The following TUT4 variants were observed in gnomAD, a reference collection of about 807,000 sequenced individuals.
TUT4 encodes terminal uridylyltransferase 4.
A neutral mutation model predicts 192.2 loss-of-function variants in TUT4; 36 were observed. That is an observed-to-expected ratio of 0.19 (90% CI 0.14 to 0.25). The LOEUF (loss-of-function observed/expected upper bound fraction) is 0.25. TUT4 is among the 10% of genes least tolerant of loss of function. TUT4 has a pLI of 1.00. For missense variants in TUT4, 1,493 were observed against 1,957.2 expected (o/e 0.76, Z 4.47); for synonymous variants, 618 against 666.0 (o/e 0.93, Z 1.11).
At chr1:52,459,462 G>A (rs1056141817) in intron 19 of TUT4, among the ~76,000 whole-genome samples, 1 of 152,020 alleles carries the variant, frequency 6.6e-6, no homozygotes, top group Non-Finnish European at 1.5e-5. Flanking sequence ...GGTGGCACAC[G>A]CCTGTAGTCC....
intron 4 of TUT4, among the ~76,000 whole-genome samples, chr1:52,503,188 T>C (rs1396698561): frequency 3.3e-5 from 5 of 152,150 alleles, no homozygotes; most frequent in African/African-American, 7.2e-5. Context: ...CTCTTTCCAC[T>C]CCATTTAAAT....
chr1:52,474,102 G>A (rs1666490951), intron 13 of TUT4, among the ~76,000 whole-genome samples: 1 of 152,202 alleles, frequency 6.6e-6, no homozygotes, highest in Non-Finnish European at 1.5e-5. Flanking sequence ...CAGCTACTCA[G>A]GAGGCTGAGG....
At chr1:52,457,096 G>A (rs1017461888) in intron 20 of TUT4, among the ~76,000 whole-genome samples, 1 of 152,160 alleles carries the variant, frequency 6.6e-6, no homozygotes, top group Non-Finnish European at 1.5e-5. Context: ...CTTTGGCTAG[G>A]AAAGGATTCC....
intron 20 of TUT4, among the ~76,000 whole-genome samples, chr1:52,450,066 G>T (rs977992989): frequency 2.0e-5 from 3 of 152,050 alleles, no homozygotes; most frequent in African/African-American, 7.2e-5. Flanking sequence ...ATTTGCTAGG[G>T]TAGAGCAAAA....
At chr1:52,450,712 T>C (rs894622279) in intron 20 of TUT4, among the ~76,000 whole-genome samples, 1 of 152,186 alleles carries the variant, frequency 6.6e-6, no homozygotes. Flanking sequence ...TTATGCAGAT[T>C]GTTAAGGCCA....
At chr1:52,437,713 G>C (rs1654230287) in intron 25 of TUT4, 1 of 152,768 alleles carries the variant, frequency 6.5e-6, no homozygotes, top group African/African-American at 2.4e-5. Flanking sequence ...CCAGCACTTT[G>C]GGAGGCCAAG....
chr1:52,538,278 G>A (rs1204438789), intron 1 of TUT4, among the ~76,000 whole-genome samples: 1 of 151,948 alleles, frequency 6.6e-6, no homozygotes, highest in African/African-American at 2.4e-5. Flanking sequence ...GATATATAAA[G>A]ACTCTATCCA....
At chr1:52,462,765 C>T (rs1431629161) in intron 16 of TUT4, 2 of 985,004 alleles carry the variant, frequency 2.0e-6, no homozygotes, top group Admixed American at 6.2e-5. Context: ...AAATTCTTAC[C>T]TCTGTAAATT....
intron 11 of TUT4, among the ~76,000 whole-genome samples, 168 bp downstream of exon 11, chr1:52,481,255 T>C (rs1294416870): frequency 6.6e-6 from 1 of 152,182 alleles, no homozygotes; most frequent in African/African-American, 2.4e-5. Context: ...TTAGAGAATC[T>C]TGGTACTGAA....
At position 52,475,199 on chromosome 1, in the gene TUT4, T is replaced by C. The variant is rs375732044; in HGVS notation, c.2360A>G (p.Glu787Gly). 9.9e-6 allele frequency: 16 copies of C among 1,614,066 alleles called. No individual in the cohort carries two copies. The highest frequency in any genetic ancestry group is 4.0e-5 in the African/African-American group (3 of 74,940). The change falls in exon 13 of 30, where the codon GAA becomes GGA. Residue 787 changes from glutamate (E) to glycine (G), a missense_variant. Physicochemically the swap from Glu to Gly is moderately conservative, Grantham distance 98. This residue lies in a region of TUT4 where 245 missense variants were observed against 218.4 expected (regional missense o/e 1.12). Coordinates refer to ENST00000257177, the MANE Select transcript of TUT4 (RefSeq NM_001009881.3). ...CTGTCCGTGGTCAGCAAAATCTAGT[T>C]CATTTACCAACAAATTGTTGTTGTC... ...IIDNNNLLVNELDFADHGQDS... is the reference protein window; with the variant it reads ...IIDNNNLLVNGLDFADHGQDS...
At chr1:52,515,543 C>T (rs760626094) in intron 3 of TUT4, 3 of 370,058 alleles carry the variant, frequency 8.1e-6, no homozygotes, top group Non-Finnish European at 9.7e-6. Context: ...TAGCCATAAA[C>T]GACATGTAAA....
chr1:52,517,242 C>CT (rs1557921603), intron 2 of TUT4, among the ~76,000 whole-genome samples: 1 of 152,164 alleles, frequency 6.6e-6, no homozygotes, highest in African/African-American at 2.4e-5. Context: ...CATTAGATGA[C>CT]GGATTTCTTG....
chr1:52,479,950 G>A (rs961089004), intron 11 of TUT4, among the ~76,000 whole-genome samples: 3 of 149,350 alleles, frequency 2.0e-5, no homozygotes, highest in African/African-American at 2.5e-5. Context: ...AACTGAGATC[G>A]TGCCACTGCA....
At chr1:52,465,850 AG>A (rs1663961576) in intron 15 of TUT4, among the ~76,000 whole-genome samples, 1 of 152,100 alleles carries the variant, frequency 6.6e-6, no homozygotes, top group African/African-American at 2.4e-5. Context: ...GTGGTTTAAC[AG>A]AATTGGATTT....
chr1:52,452,795 T>C (rs1227321856), intron 20 of TUT4, among the ~76,000 whole-genome samples: 1 of 152,228 alleles, frequency 6.6e-6, no homozygotes, highest in East Asian at 1.9e-4. Flanking sequence ...TGAGCCATTC[T>C]AGCAAATTAA....
At chr1:52,522,601 T>C (rs1259565325) in intron 2 of TUT4, among the ~76,000 whole-genome samples, 4 of 152,222 alleles carry the variant, frequency 2.6e-5, no homozygotes, top group Non-Finnish European at 5.9e-5. Context: ...TATCTCTCTA[T>C]GTCATCTCAA....
chr1:52,430,946 T>A, intron 28 of TUT4, 67 bp downstream of exon 28: 2 of 1,480,156 alleles, frequency 1.4e-6, no homozygotes, highest in Non-Finnish European at 1.8e-6. Flanking sequence ...TTCCTCACAT[T>A]GTTTCTACAG....
chr1:52,484,308 T>C (rs1280897430), intron 9 of TUT4, among the ~76,000 whole-genome samples: 1 of 152,214 alleles, frequency 6.6e-6, no homozygotes, highest in Non-Finnish European at 1.5e-5. Flanking sequence ...TTACAGAGCA[T>C]TTATACTGTA....
At chr1:52,548,163 C>T (rs1486952966) in intron 1 of TUT4, among the ~76,000 whole-genome samples, 1 of 152,070 alleles carries the variant, frequency 6.6e-6, no homozygotes, top group Non-Finnish European at 1.5e-5. Context: ...CTCAGAGACA[C>T]CCCTCTCCAA....
Sources: gnomAD v4.1 joint callset for allele counts (sites outside exome capture counted in the v4.1 genomes callset) on GRCh38, gnomAD v4.1.1 for gene constraint, gnomAD v4.1.1 regional missense constraint, MANE v1.5 for transcripts, NCBI Gene and HGNC (gene_info 2026-07-23, HGNC 2026-07-21) for gene names.